STAG1: variants seen among roughly 807,000 people sequenced by gnomAD.
The protein encoded by STAG1 is STAG1 cohesin complex component, also known as cohesin subunit SA-1.
In STAG1, 26 loss-of-function variants were observed where a neutral mutation model predicts 170.9. That is an observed-to-expected ratio of 0.15 (90% CI 0.11 to 0.21). The LOEUF (loss-of-function observed/expected upper bound fraction) is 0.21. STAG1 is among the 10% of genes least tolerant of loss of function. The pLI is 1.00. For synonymous variants in STAG1, 514 were observed against 497.7 expected (o/e 1.03, Z -0.44); for missense variants, 964 against 1,509.5 (o/e 0.64, Z 5.99).
chr3:136,458,016 T>C (rs987231075), intron 13 of STAG1, among the ~76,000 whole-genome samples: 2 of 152,210 alleles, frequency 1.3e-5, no homozygotes, highest in African/African-American at 2.4e-5. Context: ...TTTTAAAATG[T>C]AAATTGAAAC....
intron 32 of STAG1, among the ~76,000 whole-genome samples, chr3:136,339,874 C>T (rs534257544): frequency 1.3e-5 from 2 of 152,248 alleles, no homozygotes; most frequent in Admixed American, 1.3e-4. Flanking sequence ...GTCCCATATT[C>T]GGCATTTTGT....
chr3:136,651,618 G>A (rs1313382714), intron 1 of STAG1, among the ~76,000 whole-genome samples: 1 of 151,972 alleles, frequency 6.6e-6, no homozygotes. Context: ...TCTCATGCTA[G>A]ATCAGTATAT....
chr3:136,411,008 T>C (rs1013703653), intron 21 of STAG1, among the ~76,000 whole-genome samples: 9 of 152,224 alleles, frequency 5.9e-5, no homozygotes. Context: ...TGAGCTGAGA[T>C]TGCATCACTG....
Position 136,540,822 on chromosome 3 carries a change from C to CAAAAAAAAAAAAAAAAAAAAAAAAAAA in STAG1, c.471+1270_471+1296dup, listed in dbSNP as rs554338920. 3.9e-4 allele frequency among the ~76,000 whole-genome samples: 18 copies of CAAAAAAAAAAAAAAAAAAAAAAAAAAA among 46,306 alleles called. 2 individuals carry two copies. The highest frequency in any genetic ancestry group is 8.3e-4 in the Admixed American group (2 of 2,414). The allele number at this position is 46,306 out of a possible 152,430, so 30.4% of individuals were successfully genotyped here. A position where few individuals can be genotyped will look rare whatever the true frequency, so the allele number is the denominator to read the frequency against. On this transcript the variant is annotated intron_variant, in intron 6 of 33. Coordinates refer to ENST00000383202, the MANE Select transcript of STAG1 (RefSeq NM_005862.3). ...GGGCGACAGAGTGAAACTGTGTCTC[C>CAAAAAAAAAAAAAAAAAAAAAAAAAAA]AAAAAAAAAAAAAAAAAAAAAAAAA...
chr3:136,407,784 TAGAC>T (rs1381961766), intron 21 of STAG1, among the ~76,000 whole-genome samples: 2 of 151,026 alleles, frequency 1.3e-5, no homozygotes, highest in African/African-American at 4.9e-5. Context: ...TAAAAAGCAT[TAGAC>T]AGGAGGCTGA....
intron 1 of STAG1, among the ~76,000 whole-genome samples, chr3:136,727,530 T>C (rs954598995): frequency 6.6e-6 from 1 of 152,234 alleles, no homozygotes; most frequent in African/African-American, 2.4e-5. Flanking sequence ...TAACAGATAC[T>C]TGAGAAATGA....
chr3:136,586,196 C>G (rs1001815189), intron 4 of STAG1, among the ~76,000 whole-genome samples: 3 of 151,784 alleles, frequency 2.0e-5, no homozygotes, highest in Non-Finnish European at 4.4e-5. Flanking sequence ...TCCATTTTTC[C>G]TAAACATTAA....
At chr3:136,373,907 T>G (rs923360952) in intron 23 of STAG1, among the ~76,000 whole-genome samples, 7 of 152,126 alleles carry the variant, frequency 4.6e-5, no homozygotes, top group Non-Finnish European at 1.0e-4. Context: ...CTTTTTAACT[T>G]TCTGTCTTGA....
At chr3:136,365,207 A>G (rs1937029930) in intron 25 of STAG1, among the ~76,000 whole-genome samples, 1 of 152,216 alleles carries the variant, frequency 6.6e-6, no homozygotes, top group South Asian at 2.1e-4. Context: ...CCAGAATTCA[A>G]CATATTTCAT....
At chr3:136,613,313 CAAAAAAAAAAAAAA>C (rs60449608) in intron 3 of STAG1, among the ~76,000 whole-genome samples, 1 of 59,758 alleles carries the variant, frequency 1.7e-5, no homozygotes, top group African/African-American at 7.0e-5. Flanking sequence ...GACTCCGTCT[CAAAAAAAAAAAAAA>C]AAAAAAAAGA....
intron 26 of STAG1, among the ~76,000 whole-genome samples, chr3:136,362,635 AAAAAG>A (rs1936920153): frequency 6.6e-6 from 1 of 151,204 alleles, no homozygotes; most frequent in Admixed American, 6.6e-5. Context: ...AAAAAAAAGA[AAAAAG>A]AAAAGAAATT....
intron 1 of STAG1, among the ~76,000 whole-genome samples, chr3:136,716,465 A>G (rs557530116): frequency 2.7e-4 from 41 of 152,060 alleles, no homozygotes; most frequent in Non-Finnish European, 2.9e-4. Context: ...TCCATCTCAA[A>G]AAAGAAAAAA....
At chr3:136,682,518 A>G (rs1425648268) in intron 1 of STAG1, among the ~76,000 whole-genome samples, 1 of 151,608 alleles carries the variant, frequency 6.6e-6, no homozygotes, top group African/African-American at 2.4e-5. Context: ...CGAAAAAAAC[A>G]CTTTTTATAA....
intron 17 of STAG1, 29 bp from the exon 18 acceptor site, chr3:136,422,886 T>G: frequency 6.3e-7 from 1 of 1,592,842 alleles, no homozygotes; most frequent in Non-Finnish European, 8.6e-7. Context: ...AAAAAGACAG[T>G]AACTACTTTA....
chr3:136,455,329 C>G (rs1292087040), intron 13 of STAG1, among the ~76,000 whole-genome samples: 1 of 152,146 alleles, frequency 6.6e-6, no homozygotes, highest in African/African-American at 2.4e-5. Flanking sequence ...AATCAAGAAA[C>G]TATGATTAGT....
chr3:136,370,970 C>T (rs1210059847), intron 23 of STAG1, among the ~76,000 whole-genome samples: 1 of 152,200 alleles, frequency 6.6e-6, no homozygotes, highest in African/African-American at 2.4e-5. Flanking sequence ...AGTTTATAGT[C>T]CCACCAACAA....
chr3:136,658,404 AT>A (rs1167745012), intron 1 of STAG1, among the ~76,000 whole-genome samples: 5 of 152,094 alleles, frequency 3.3e-5, no homozygotes, highest in South Asian at 2.1e-4. Flanking sequence ...AAAAAAAAAA[AT>A]CAAAGGTAAT....
At chr3:136,362,605 C>CAAAAAAAAAAAAAAAAAAA (rs1237413699) in intron 26 of STAG1, among the ~76,000 whole-genome samples, 2 of 42,442 alleles carry the variant, frequency 4.7e-5, no homozygotes, top group Non-Finnish European at 1.0e-4. Context: ...ATCATCTCTG[C>CAAAAAAAAAAAAAAAAAAA]AAAAAAAAAA....
intron 23 of STAG1, among the ~76,000 whole-genome samples, chr3:136,371,367 C>T (rs1226986994): frequency 2.6e-5 from 4 of 152,030 alleles, no homozygotes; most frequent in African/African-American, 9.7e-5. Context: ...TAATTAGATC[C>T]CATTTGTCAA....
Sources: gnomAD v4.1 joint callset for allele counts (sites outside exome capture counted in the v4.1 genomes callset) on GRCh38, gnomAD v4.1.1 for gene constraint, MANE v1.5 for transcripts, NCBI Gene and HGNC (gene_info 2026-07-23, HGNC 2026-07-21) for gene names.